DLEC1: variants seen among roughly 807,000 people sequenced by gnomAD.
DLEC1 encodes deleted in lung and esophageal cancer protein 1.
In DLEC1, 146 loss-of-function variants were observed where a neutral mutation model predicts 198.1. The observed-to-expected ratio is 0.74, with a 90% confidence interval of 0.64 to 0.85. DLEC1 has a LOEUF of 0.85. DLEC1 is among the 40% of genes least tolerant of loss of function. DLEC1 has a pLI of 0.00. For synonymous variants in DLEC1, 897 were observed against 866.8 expected, an observed-to-expected ratio of 1.03 and a Z score of -0.61; for missense variants, 2,233 against 2,220.0, an observed-to-expected ratio of 1.01 and a Z score of -0.12.
intron 2 of DLEC1, among the ~76,000 whole-genome samples, chr3:38,053,128 C>T (rs1701212779): frequency 6.6e-6 from 1 of 152,212 alleles, no homozygotes; most frequent in South Asian, 2.1e-4. Context: ...GTGGCGTGAT[C>T]TCGGCTCGCT....
intron 6 of DLEC1, among the ~76,000 whole-genome samples, chr3:38,075,393 G>A (rs1249520142): frequency 1.3e-5 from 2 of 152,136 alleles, no homozygotes; most frequent in Admixed American, 6.5e-5. Context: ...TTGGGGCCAA[G>A]CAGTGTTGCA....
At chr3:38,068,603 A>G (rs530979091) in intron 6 of DLEC1, among the ~76,000 whole-genome samples, 3 of 152,342 alleles carry the variant, frequency 2.0e-5, no homozygotes, top group South Asian at 2.1e-4. Flanking sequence ...GAGTTATCCT[A>G]TATGATAGCA....
chr3:38,099,966 C>T (rs1029270177), intron 18 of DLEC1, among the ~76,000 whole-genome samples: 1 of 152,200 alleles, frequency 6.6e-6, no homozygotes, highest in Non-Finnish European at 1.5e-5. Context: ...GTTTGGCTCA[C>T]CAGCTCTCCT....
At chr3:38,051,311 G>A (rs919081974) in intron 2 of DLEC1, among the ~76,000 whole-genome samples, 7 of 152,224 alleles carry the variant, frequency 4.6e-5, no homozygotes, top group African/African-American at 1.2e-4. Flanking sequence ...ATCGCTCAGC[G>A]GCAGTGGCGC....
At chr3:38,082,427 TG>T (rs1447251070) in intron 6 of DLEC1, among the ~76,000 whole-genome samples, 1 of 151,608 alleles carries the variant, frequency 6.6e-6, no homozygotes, top group Admixed American at 6.6e-5. Context: ...CTCGGCACTT[TG>T]GGAGGCCAAG....
intron 6 of DLEC1, among the ~76,000 whole-genome samples, chr3:38,071,562 G>C (rs9853266): frequency 0.36 from 53,992 of 152,076 alleles, 10,070 homozygotes; most frequent in East Asian, 0.56. Flanking sequence ...GGGGAAGTAG[G>C]TGGGAGTGAC....
chr3:38,096,537 C>G (rs373716508), intron 14 of DLEC1, 32 bp from the exon 15 acceptor site: 3 of 1,594,214 alleles, frequency 1.9e-6, no homozygotes, highest in Non-Finnish European at 2.6e-6. Context: ...CCAGGTGTGC[C>G]GGCTCCTAGC....
intron 6 of DLEC1, among the ~76,000 whole-genome samples, chr3:38,069,229 A>G (rs768192870): frequency 1.3e-5 from 2 of 152,150 alleles, no homozygotes; most frequent in African/African-American, 2.4e-5. Flanking sequence ...CTTAGAAGAA[A>G]ACAATTTAAA....
At chr3:38,065,206 C>T (rs983998840) in intron 6 of DLEC1, among the ~76,000 whole-genome samples, 4 of 152,254 alleles carry the variant, frequency 2.6e-5, no homozygotes, top group African/African-American at 4.8e-5. Flanking sequence ...TGCGTGGCGG[C>T]GCACGCCTGC....
chr3:38,090,140 G>A (rs763997220), intron 10 of DLEC1, among the ~76,000 whole-genome samples: 1 of 152,032 alleles, frequency 6.6e-6, no homozygotes, highest in Non-Finnish European at 1.5e-5. Context: ...AGTTTACAGT[G>A]AACTGTGATT....
chr3:38,101,479 A>G (rs530124961), intron 19 of DLEC1, among the ~76,000 whole-genome samples: 2 of 152,284 alleles, frequency 1.3e-5, no homozygotes, highest in East Asian at 1.9e-4. Context: ...GAGGTAGTAC[A>G]TAGATGTTGT....
intron 6 of DLEC1, among the ~76,000 whole-genome samples, chr3:38,067,019 T>C (rs1376727968): frequency 2.0e-5 from 3 of 152,230 alleles, no homozygotes; most frequent in African/African-American, 7.2e-5. Flanking sequence ...GATGGACTTA[T>C]GGAAGATATT....
At chr3:38,064,914 G>T (rs926581175) in intron 6 of DLEC1, among the ~76,000 whole-genome samples, 5 of 151,962 alleles carry the variant, frequency 3.3e-5, no homozygotes, top group Non-Finnish European at 7.4e-5. Flanking sequence ...AGGCAGAGAC[G>T]CTCCTCACTT....
chr3:38,122,446 C>T lies in DLEC1; in HGVS notation c.*34C>T. 2 of 1,614,100 alleles carry T rather than the reference C, an allele frequency of 1.2e-6. No individual in the cohort carries two copies. Among genetic ancestry groups the T allele is most frequent in the Non-Finnish European group, 1.7e-6 (2 of 1,180,018 alleles). ...CCCAGCCCTCAGCCCCAGGCCCCAG[C>T]TGGAGAAAAAACATTGCCCAGGGAT... On this transcript the variant is annotated 3_prime_UTR_variant, in exon 37 of 37. Coordinates refer to ENST00000308059, the MANE Select transcript of DLEC1 (RefSeq NM_007335.4).
At chr3:38,102,402 T>A (rs531824579) in intron 19 of DLEC1, among the ~76,000 whole-genome samples, 2 of 152,364 alleles carry the variant, frequency 1.3e-5, no homozygotes, top group Admixed American at 6.5e-5. Context: ...TCAAGCTTTG[T>A]TGTTCTTGCG....
chr3:38,094,347 C>T lies in DLEC1; in HGVS notation c.1920-532C>T, dbSNP rs145337703. On this transcript the variant is annotated intron_variant, in intron 12 of 36. Coordinates refer to ENST00000308059, the MANE Select transcript of DLEC1 (RefSeq NM_007335.4). ...ACACAGGACTCTGTCATCTCTCCCC[C>T]GGGATAGCTGCAAGTCCTGCCCCTC... 5.6e-4 allele frequency among the ~76,000 whole-genome samples: 85 copies of T among 152,290 alleles called. No homozygotes were observed. In the East Asian group the frequency reaches 0.016, roughly 28 times the overall value.
chr3:38,084,579 G>GTAGTAGTGGT (rs147653328), intron 7 of DLEC1, among the ~76,000 whole-genome samples: 1 of 1,084 alleles, frequency 9.2e-4, no homozygotes, highest in Non-Finnish European at 2.2e-3. Context: ...AGTAGTAGTG[G>GTAGTAGTGGT]GGGGGTGGTA....
At chr3:38,088,204 CA>C in intron 9 of DLEC1, 91 bp from the exon 10 acceptor site, 2 of 1,172,066 alleles carry the variant, frequency 1.7e-6, no homozygotes, top group South Asian at 2.7e-5. Flanking sequence ...CTTCACATTG[CA>C]AAATGGATGT....
In DLEC1 at chr3:38,123,058, G is replaced by A. The variant is rs1173037316; in HGVS notation, c.*646G>A. The A allele has an allele frequency of 1.9e-6, 3 of 1,613,912 alleles. No homozygotes were observed. Among genetic ancestry groups the A allele is most frequent in the Non-Finnish European group, 2.5e-6 (3 of 1,179,992 alleles). ...GCCTGGGACCTCACTCAGTTCCCAG[G>A]GTATTCAAAGACGGCAGCGGCTCCC... On this transcript the variant is annotated 3_prime_UTR_variant, in exon 37 of 37. Coordinates refer to ENST00000308059, the MANE Select transcript of DLEC1 (RefSeq NM_007335.4).
Sources: gnomAD v4.1 joint callset for allele counts (sites outside exome capture counted in the v4.1 genomes callset) on GRCh38, gnomAD v4.1.1 for gene constraint, MANE v1.5 for transcripts, NCBI Gene and HGNC (gene_info 2026-07-23, HGNC 2026-07-21) for gene names.